The following TIAM1 variants were observed in gnomAD, a reference collection of about 807,000 sequenced individuals.
TIAM1 encodes the protein rho guanine nucleotide exchange factor TIAM1.
In TIAM1, 65 loss-of-function variants were observed where a neutral mutation model predicts 163.5. That is an observed-to-expected ratio of 0.40 (90% CI 0.33 to 0.49). TIAM1 has a LOEUF of 0.49. Among genes scored for constraint, TIAM1 ranks in the 20% least tolerant of loss-of-function variants. The pLI, the probability that TIAM1 is intolerant of heterozygous loss-of-function variation, is 0.77. For synonymous variants in TIAM1, 833 were observed against 810.1 expected (o/e 1.03, Z -0.48); for missense variants, 1,789 against 2,044.7 (o/e 0.87, Z 2.41).
chr21:31,136,519 A>G (rs2082628640), intron 22 of TIAM1, among the ~76,000 whole-genome samples: 1 of 152,228 alleles, frequency 6.6e-6, no homozygotes. Flanking sequence ...TTCATATGAA[A>G]TCTCCTAATT....
Position 31,266,229 on chromosome 21 carries a change from C to T in TIAM1, c.744G>A (p.Gly248=), listed in dbSNP as rs1569132532. ...AGTAGCCTGCAAATTTGCTCCCCGG[C>T]CCCCCGTTTGCTGTCACTCCAGAGT... ...QKNSGVTANG[G]PGSKFAGYCR... is the part of the protein sequence containing the mutation. The change falls in exon 4 of 28, where the codon GGG becomes GGA. Residue 248 remains glycine (G), a synonymous_variant. Coordinates refer to ENST00000541036, the MANE Select transcript of TIAM1 (RefSeq NM_001353694.2). 5.0e-6 allele frequency: 8 copies of T among 1,614,042 alleles called. No homozygotes were observed. The highest frequency in any genetic ancestry group is 1.6e-4 in the Middle Eastern group (1 of 6,084).
chr21:31,348,940 T>TA (rs1569254028), upstream of TIAM1, among the ~76,000 whole-genome samples: 4 of 152,120 alleles, frequency 2.6e-5, no homozygotes, highest in Admixed American at 6.5e-5. Context: ...AACAAATACA[T>TA]AGAGATATTC....
intron 2 of TIAM1, among the ~76,000 whole-genome samples, chr21:31,385,495 C>T (rs2076850244): frequency 6.6e-6 from 1 of 151,962 alleles, no homozygotes; most frequent in Non-Finnish European, 1.5e-5. Flanking sequence ...CTGAGAGTCA[C>T]CCAGTGTCTG....
chr21:31,498,841 G>A (rs2011115), intron 1 of TIAM1, among the ~76,000 whole-genome samples: 9,075 of 152,182 alleles, frequency 0.06, 493 homozygotes, highest in Admixed American at 0.16. Context: ...AGCTACTTGG[G>A]AGGCTGAGGC....
At chr21:31,292,896 T>C (rs1322591787) in intron 2 of TIAM1, among the ~76,000 whole-genome samples, 1 of 151,840 alleles carries the variant, frequency 6.6e-6, no homozygotes, top group Non-Finnish European at 1.5e-5. Flanking sequence ...CTCGAACTCC[T>C]GACCTGAAAT....
intron 8 of TIAM1, among the ~76,000 whole-genome samples, chr21:31,218,657 C>G (rs1438497887): frequency 1.3e-5 from 2 of 152,036 alleles, no homozygotes; most frequent in Non-Finnish European, 2.9e-5. Flanking sequence ...TGCAGTAGGG[C>G]ATGGATTGGG....
chr21:31,128,727 A>G (rs1184318936), intron 25 of TIAM1, among the ~76,000 whole-genome samples: 1 of 152,250 alleles, frequency 6.6e-6, no homozygotes, highest in Non-Finnish European at 1.5e-5. Flanking sequence ...CTGGAAGCTT[A>G]GAGAGAAACC....
intron 25 of TIAM1, among the ~76,000 whole-genome samples, chr21:31,129,827 G>A (rs1039122790): frequency 2.0e-5 from 3 of 152,212 alleles, no homozygotes; most frequent in Non-Finnish European, 4.4e-5. Context: ...TGAAAGGCAA[G>A]TGAGTAGTTT....
chr21:31,557,055 A>T (rs1057145893), intron 1 of TIAM1, among the ~76,000 whole-genome samples: 1 of 152,216 alleles, frequency 6.6e-6, no homozygotes, highest in Non-Finnish European at 1.5e-5. Context: ...TTCACTGGCA[A>T]CTGCTTTCCA....
chr21:31,318,958 C>T (rs1205267248), intron 2 of TIAM1, among the ~76,000 whole-genome samples: 1 of 152,140 alleles, frequency 6.6e-6, no homozygotes, highest in African/African-American at 2.4e-5. Context: ...CGAACTCCTA[C>T]ACTCCTGAGA....
intron 2 of TIAM1, among the ~76,000 whole-genome samples, chr21:31,295,946 CAA>C (rs1482225234): frequency 1.3e-5 from 2 of 152,040 alleles, no homozygotes; most frequent in African/African-American, 2.4e-5. Context: ...TACAGGCATA[CAA>C]CACCGCTCCT....
At chr21:31,293,859 A>G (rs1042984044) in intron 2 of TIAM1, among the ~76,000 whole-genome samples, 1 of 152,226 alleles carries the variant, frequency 6.6e-6, no homozygotes, top group Non-Finnish European at 1.5e-5. Context: ...ATATATTTAC[A>G]GATTGGAAAA....
intron 2 of TIAM1, among the ~76,000 whole-genome samples, chr21:31,360,625 T>C (rs187968470): frequency 2.4e-4 from 37 of 152,226 alleles, no homozygotes; most frequent in African/African-American, 8.7e-4. Flanking sequence ...GGTGAGACAA[T>C]GTTTGCGACT....
chr21:31,376,245 A>G (rs777279827), intron 2 of TIAM1, among the ~76,000 whole-genome samples: 25 of 152,058 alleles, frequency 1.6e-4, no homozygotes, highest in Non-Finnish European at 2.8e-4. Context: ...GCATGTACAC[A>G]TGTGCACACT....
At chr21:31,187,446 G>GT (rs1243370221) in intron 13 of TIAM1, among the ~76,000 whole-genome samples, 3 of 152,062 alleles carry the variant, frequency 2.0e-5, no homozygotes, top group African/African-American at 7.2e-5. Context: ...GTCCCCAGAC[G>GT]TTTTTCATCA....
rs1569068806 is a variant in TIAM1, at chr21:31,228,239, A to T, written c.1585-2289T>A. ...TTTTTTTAAAAAAAAAAAAAAAAAA[A>T]AAAAAAAAAAAAAAAAAAAAGGAAG... On this transcript the variant is annotated intron_variant, in intron 6 of 27. Coordinates refer to ENST00000541036, the MANE Select transcript of TIAM1 (RefSeq NM_001353694.2). 6.7e-3 allele frequency among the ~76,000 whole-genome samples: 329 copies of T among 49,328 alleles called. 11 individuals are homozygous for T. In the East Asian group the frequency reaches 0.094, roughly 14 times the overall value. 32.4% of individuals were successfully genotyped at this position (49,328 alleles called of 152,430 possible).
chr21:31,167,632 G>A (rs372171226), intron 15 of TIAM1, among the ~76,000 whole-genome samples: 2 of 152,070 alleles, frequency 1.3e-5, no homozygotes, highest in African/African-American at 4.8e-5. Context: ...TTTCCCACAG[G>A]GTGTGAGAAC....
intron 6 of TIAM1, among the ~76,000 whole-genome samples, chr21:31,240,495 T>C (rs1278682266): frequency 6.6e-6 from 1 of 152,134 alleles, no homozygotes; most frequent in Non-Finnish European, 1.5e-5. Flanking sequence ...GGGAACAACC[T>C]TCCTCAAGTC....
intron 20 of TIAM1, among the ~76,000 whole-genome samples, chr21:31,142,340 G>T (rs1028687421): frequency 6.0e-4 from 91 of 151,900 alleles, no homozygotes; most frequent in African/African-American, 2.1e-3. Flanking sequence ...CAAGCATGCC[G>T]TGCACAGTGG....
Sources: allele counts gnomAD v4.1 joint callset (sites outside exome capture counted in the v4.1 genomes callset), GRCh38; gene constraint gnomAD v4.1.1; transcripts MANE v1.5; gene names NCBI Gene and HGNC (gene_info 2026-07-23, HGNC 2026-07-21).